The following PPARGC1A variants were observed in gnomAD, a reference collection of about 807,000 sequenced individuals.
PPARGC1A encodes peroxisome proliferator-activated receptor gamma coactivator 1-alpha.
In PPARGC1A, 25 loss-of-function variants were observed where a neutral mutation model predicts 88.7. That is an observed-to-expected ratio of 0.28 (90% CI 0.21 to 0.39). The LOEUF (loss-of-function observed/expected upper bound fraction) is 0.39. PPARGC1A is among the 10% of genes least tolerant of loss of function. The pLI is 1.00. For missense variants in PPARGC1A, 880 were observed against 968.7 expected, an observed-to-expected ratio of 0.91 and a Z score of 1.22; for synonymous variants, 363 against 355.6, an observed-to-expected ratio of 1.02 and a Z score of -0.24.
the PPARGC1A span, among the ~76,000 whole-genome samples, chr4:24,058,627 G>C: frequency 6.6e-6 from 1 of 152,162 alleles, no homozygotes; most frequent in Non-Finnish European, 1.5e-5. Flanking sequence ...GAAAAACGTG[G>C]CTGAGAGACA....
the PPARGC1A span, among the ~76,000 whole-genome samples, chr4:24,350,385 A>T: frequency 6.6e-6 from 1 of 152,322 alleles, no homozygotes; most frequent in African/African-American, 2.4e-5. Context: ...CATCTGAAAA[A>T]AACTTTTTTT....
At chr4:23,944,787 T>C in the PPARGC1A span, among the ~76,000 whole-genome samples, 8 of 152,164 alleles carry the variant, frequency 5.3e-5, no homozygotes, top group Non-Finnish European at 1.2e-4. Flanking sequence ...TGCTGCCGTG[T>C]AAAGAGGGAT....
chr4:24,416,344 C>A, the PPARGC1A span, among the ~76,000 whole-genome samples: 1 of 151,724 alleles, frequency 6.6e-6, no homozygotes, highest in Admixed American at 6.6e-5. Flanking sequence ...GCAGTGACCT[C>A]AAAAGATAAA....
At chr4:24,035,138 T>C in the PPARGC1A span, among the ~76,000 whole-genome samples, 6 of 152,202 alleles carry the variant, frequency 3.9e-5, no homozygotes, top group Admixed American at 3.9e-4. Context: ...CAAACACTTG[T>C]TGAAACTAAC....
chr4:24,382,132 A>C, the PPARGC1A span, among the ~76,000 whole-genome samples: 2 of 149,728 alleles, frequency 1.3e-5, no homozygotes, highest in African/African-American at 2.5e-5. Context: ...ACATTATAAG[A>C]ACAAAAACTT....
chr4:23,863,100 C>A (rs192723645), intron 2 of PPARGC1A, among the ~76,000 whole-genome samples: 1 of 152,238 alleles, frequency 6.6e-6, no homozygotes, highest in Admixed American at 6.5e-5. Context: ...TTCACCACAA[C>A]ATCCAACCTA....
chr4:23,949,477 C>T, the PPARGC1A span, among the ~76,000 whole-genome samples: 68 of 152,262 alleles, frequency 4.5e-4, 1 homozygote, highest in South Asian at 0.013. Context: ...AGTTAATTAG[C>T]ACTGGCATTA....
chr4:24,410,545 G>A, the PPARGC1A span, among the ~76,000 whole-genome samples: 14 of 152,298 alleles, frequency 9.2e-5, no homozygotes, highest in East Asian at 2.5e-3. Flanking sequence ...TGGATTGAAG[G>A]ATGCAAAGTA....
the PPARGC1A span, among the ~76,000 whole-genome samples, chr4:24,361,080 G>A: frequency 1.3e-5 from 2 of 152,166 alleles, no homozygotes; most frequent in Admixed American, 1.3e-4. Flanking sequence ...AGGCATTCAG[G>A]TGACCACTTG....
the PPARGC1A span, among the ~76,000 whole-genome samples, chr4:24,367,526 T>C: frequency 6.6e-6 from 1 of 152,186 alleles, no homozygotes; most frequent in Non-Finnish European, 1.5e-5. Context: ...GCCAACCTGT[T>C]TGCAATTATG....
chr4:24,326,133 C>T, the PPARGC1A span, among the ~76,000 whole-genome samples: 16 of 151,496 alleles, frequency 1.1e-4, no homozygotes, highest in East Asian at 3.9e-4. Flanking sequence ...CCCTCCTTGG[C>T]GACTGATCAT....
the PPARGC1A span, among the ~76,000 whole-genome samples, chr4:24,152,850 T>A: frequency 6.6e-6 from 1 of 152,338 alleles, no homozygotes; most frequent in East Asian, 1.9e-4. Flanking sequence ...TAAATGTCTA[T>A]GTATATGTCA....
intron 2 of PPARGC1A, among the ~76,000 whole-genome samples, chr4:23,869,967 A>G (rs4637388): frequency 0.13 from 20,390 of 152,282 alleles, 1,713 homozygotes; most frequent in Middle Eastern, 0.23. Flanking sequence ...TCTTTATTCA[A>G]GAAAATTTCA....
chr4:23,825,955 T>C (rs986690851), intron 5 of PPARGC1A, among the ~76,000 whole-genome samples: 5 of 152,194 alleles, frequency 3.3e-5, no homozygotes, highest in African/African-American at 9.6e-5. Flanking sequence ...ATTAGGATAA[T>C]TCATACAACT....
At chr4:24,317,945 G>A in the PPARGC1A span, among the ~76,000 whole-genome samples, 1 of 152,184 alleles carries the variant, frequency 6.6e-6, no homozygotes, top group African/African-American at 2.4e-5. Flanking sequence ...CTCATAGGAG[G>A]CTATTAAGGC....
chr4:24,438,052 G>T, the PPARGC1A span, among the ~76,000 whole-genome samples: 4 of 152,184 alleles, frequency 2.6e-5, no homozygotes, highest in African/African-American at 7.2e-5. Flanking sequence ...AGCAGCACAG[G>T]AGGGACAGAT....
the PPARGC1A span, among the ~76,000 whole-genome samples, chr4:23,978,512 A>G: frequency 1.1e-4 from 17 of 152,170 alleles, no homozygotes; most frequent in Middle Eastern, 3.2e-3. Context: ...CATCTTGCCC[A>G]CATCATCTAT....
At chr4:24,007,498 G>T in the PPARGC1A span, among the ~76,000 whole-genome samples, 1 of 152,318 alleles carries the variant, frequency 6.6e-6, no homozygotes, top group Non-Finnish European at 1.5e-5. Flanking sequence ...ACAGGGTAAT[G>T]ACCTAGTTAG....
the PPARGC1A span, among the ~76,000 whole-genome samples, chr4:24,017,097 G>A: frequency 1.3e-5 from 2 of 152,270 alleles, no homozygotes; most frequent in East Asian, 3.9e-4. Context: ...GGAGAGCGTG[G>A]GCAGTTGCCC....
Sources: gnomAD v4.1 joint callset for allele counts (sites outside exome capture counted in the v4.1 genomes callset) on GRCh38, gnomAD v4.1.1 for gene constraint, MANE v1.5 for transcripts, NCBI Gene and HGNC (gene_info 2026-07-23, HGNC 2026-07-21) for gene names.